Variants in SPOCK3 observed in about 807,000 individuals in gnomAD.
SPOCK3 encodes SPARC (osteonectin), cwcv and kazal like domains proteoglycan 3, also known as testican-3.
A neutral mutation model predicts 56.6 loss-of-function variants in SPOCK3; 30 were observed. That is an observed-to-expected ratio of 0.53 (90% CI 0.40 to 0.72). The LOEUF (loss-of-function observed/expected upper bound fraction) is 0.72, where lower values mean the gene tolerates loss of function less well. SPOCK3 is among the 30% of genes least tolerant of loss of function. The probability of loss-of-function intolerance (pLI) is 0.00; values close to 1 mark genes in which losing one functional copy is unlikely to be tolerated. For synonymous variants in SPOCK3, 196 were observed against 183.3 expected (o/e 1.07, Z -0.56); for missense variants, 527 against 530.0 (o/e 0.99, Z 0.06).
At chr4:167,213,588 G>C (rs1042713632) in intron 2 of SPOCK3, among the ~76,000 whole-genome samples, 2 of 152,070 alleles carry the variant, frequency 1.3e-5, no homozygotes, top group African/African-American at 4.8e-5. Flanking sequence ...AATGGAGCTA[G>C]AGTTTGAAAC....
At chr4:167,177,638 A>T (rs771315125) in intron 2 of SPOCK3, among the ~76,000 whole-genome samples, 3 of 152,140 alleles carry the variant, frequency 2.0e-5, no homozygotes, top group African/African-American at 4.8e-5. Context: ...ATATTAATAA[A>T]TGTTTTCTAA....
At chr4:166,869,451 T>A (rs1402300925) in intron 6 of SPOCK3, among the ~76,000 whole-genome samples, 2 of 152,054 alleles carry the variant, frequency 1.3e-5, no homozygotes, top group Non-Finnish European at 2.9e-5. Flanking sequence ...GGTGAGAAGA[T>A]AACAATACTA....
intron 9 of SPOCK3, among the ~76,000 whole-genome samples, chr4:166,741,393 CA>C (rs2126391818): frequency 1.3e-5 from 2 of 152,146 alleles, no homozygotes; most frequent in Admixed American, 1.3e-4. Context: ...AAAACTATTC[CA>C]AAAATAGTTT....
intron 2 of SPOCK3, among the ~76,000 whole-genome samples, chr4:167,072,935 T>C (rs1023202485): frequency 4.0e-5 from 6 of 151,882 alleles, no homozygotes; most frequent in Non-Finnish European, 7.4e-5. Flanking sequence ...GTACTAAAAA[T>C]GTGCTTCTAA....
intron 2 of SPOCK3, among the ~76,000 whole-genome samples, chr4:167,100,253 T>G (rs190103720): frequency 1.7e-4 from 26 of 152,266 alleles, no homozygotes; most frequent in Admixed American, 1.6e-3. Context: ...CGTCCTCTCT[T>G]TCTCTGACTG....
chr4:166,962,049 T>C (rs575346058), intron 4 of SPOCK3, among the ~76,000 whole-genome samples: 1 of 152,196 alleles, frequency 6.6e-6, no homozygotes, highest in South Asian at 2.1e-4. Flanking sequence ...CCCTTCCTTC[T>C]TCAAAGAAGG....
chr4:167,053,843 G>C (rs1354108140), intron 3 of SPOCK3, among the ~76,000 whole-genome samples: 1 of 152,050 alleles, frequency 6.6e-6, no homozygotes, highest in Non-Finnish European at 1.5e-5. Flanking sequence ...GCTGATCTAA[G>C]CCACAGCTAC....
intron 3 of SPOCK3, among the ~76,000 whole-genome samples, chr4:167,004,808 G>GA (rs775530868): frequency 5.3e-4 from 81 of 152,000 alleles, no homozygotes; most frequent in African/African-American, 1.2e-3. Context: ...TTGGTGGTGA[G>GA]AAAAAAAATA....
At chr4:166,870,875 C>A (rs1579488485) in intron 6 of SPOCK3, among the ~76,000 whole-genome samples, 1 of 151,980 alleles carries the variant, frequency 6.6e-6, no homozygotes, top group Non-Finnish European at 1.5e-5. Flanking sequence ...GGATGGTACC[C>A]CCATGCTCTT....
chr4:167,014,727 G>T (rs1750439172), intron 3 of SPOCK3, among the ~76,000 whole-genome samples: 1 of 151,738 alleles, frequency 6.6e-6, no homozygotes, highest in African/African-American at 2.4e-5. Flanking sequence ...GTCAAACATT[G>T]CTATCAAAAT....
chr4:167,170,086 T>G (rs1011931137), intron 2 of SPOCK3, among the ~76,000 whole-genome samples: 1 of 152,158 alleles, frequency 6.6e-6, no homozygotes, highest in Admixed American at 6.6e-5. Flanking sequence ...GAGAATGGAC[T>G]AATACAAACA....
At chr4:167,134,031 T>TC (rs1349392284) in intron 2 of SPOCK3, among the ~76,000 whole-genome samples, 3 of 140,736 alleles carry the variant, frequency 2.1e-5, no homozygotes, top group African/African-American at 8.0e-5. Context: ...TCTTTTTTTT[T>TC]TTTTTTTTTT....
chr4:166,931,918 G>A (rs991127549), intron 4 of SPOCK3, among the ~76,000 whole-genome samples: 1 of 152,044 alleles, frequency 6.6e-6, no homozygotes, highest in African/African-American at 2.4e-5. Flanking sequence ...GGTATTTTAG[G>A]TCTTTTATTC....
intron 4 of SPOCK3, among the ~76,000 whole-genome samples, chr4:166,962,707 G>T (rs1436221188): frequency 6.6e-6 from 1 of 152,020 alleles, no homozygotes; most frequent in African/African-American, 2.4e-5. Context: ...GACTTCCATA[G>T]ACCCTACAAG....
intron 2 of SPOCK3, among the ~76,000 whole-genome samples, chr4:167,194,770 C>A (rs987113838): frequency 3.3e-5 from 5 of 152,108 alleles, no homozygotes; most frequent in Non-Finnish European, 5.9e-5. Flanking sequence ...ACTGGATTGT[C>A]TCCAGGACCT....
At chr4:166,849,746 C>G (rs1157543120) in intron 6 of SPOCK3, among the ~76,000 whole-genome samples, 1 of 152,114 alleles carries the variant, frequency 6.6e-6, no homozygotes, top group East Asian at 1.9e-4. Flanking sequence ...TAGCAACTCT[C>G]CATTCACCCT....
At chr4:167,070,280 G>A (rs192183931) in intron 2 of SPOCK3, among the ~76,000 whole-genome samples, 5 of 151,976 alleles carry the variant, frequency 3.3e-5, no homozygotes, top group Non-Finnish European at 5.9e-5. Context: ...ATAGTTGTGG[G>A]AAGCATAAAT....
chr4:166,938,881 T>C (rs996249437), intron 4 of SPOCK3, among the ~76,000 whole-genome samples: 1 of 152,034 alleles, frequency 6.6e-6, no homozygotes, highest in Non-Finnish European at 1.5e-5. Flanking sequence ...TCAGTGGTTA[T>C]GAATAAGAAC....
chr4:167,217,652 G>A lies in SPOCK3; in HGVS notation c.189+16333C>T, dbSNP rs72975598. Among the ~76,000 whole-genome samples, 1,363 of 152,018 alleles carry A rather than the reference G, an allele frequency of 9.0e-3. 13 individuals carry two copies. The highest frequency in any genetic ancestry group is 0.03 in the African/African-American group (1,245 of 41,498). On this transcript the variant is annotated intron_variant, in intron 2 of 10. Coordinates refer to ENST00000357545, the MANE Select transcript of SPOCK3 (RefSeq NM_001040159.2). ...CTAAAAAATATGCTACTGCAAATTC[G>A]TATAACATACAAAATTCTATTAATA... is the stretch of plus-strand genomic sequence containing the variant.
Sources: allele counts gnomAD v4.1 joint callset (sites outside exome capture counted in the v4.1 genomes callset), GRCh38; gene constraint gnomAD v4.1.1; transcripts MANE v1.5; gene names NCBI Gene and HGNC (gene_info 2026-07-23, HGNC 2026-07-21).